SAMMSON: variants seen among roughly 807,000 people sequenced by gnomAD.
SAMMSON encodes survival associated mitochondrial melanoma specific oncogenic non-coding RNA.
At chr3:70,291,831 A>G (rs897931159) in intron 7 of SAMMSON, 1 of 152,194 alleles carries the variant, frequency 6.6e-6, no homozygotes, top group South Asian at 2.1e-4. Context: ...TTCTTTCAAG[A>G]TGTGCTGTCT....
chr3:70,203,901 A>G (rs1273205599), intron 4 of SAMMSON, among the ~76,000 whole-genome samples: 1 of 152,092 alleles, frequency 6.6e-6, no homozygotes, highest in Non-Finnish European at 1.5e-5. Flanking sequence ...AGAAGTGGGG[A>G]CATGGATAGT....
intron 2 of SAMMSON, among the ~76,000 whole-genome samples, chr3:70,410,550 G>A (rs777426619): frequency 1.2e-4 from 18 of 152,182 alleles, no homozygotes; most frequent in Non-Finnish European, 2.5e-4. Flanking sequence ...AAACAAGTTA[G>A]AGAAACACTG....
At chr3:70,327,003 C>A (rs1156943270) in intron 7 of SAMMSON, among the ~76,000 whole-genome samples, 3 of 152,098 alleles carry the variant, frequency 2.0e-5, no homozygotes, top group African/African-American at 7.2e-5. Flanking sequence ...GGCTGACAGG[C>A]ATGTGCCACC....
intron 7 of SAMMSON, among the ~76,000 whole-genome samples, chr3:70,300,683 T>C (rs1022467493): frequency 6.6e-6 from 1 of 152,136 alleles, no homozygotes; most frequent in African/African-American, 2.4e-5. Context: ...GACTGATATT[T>C]GTTAAGTAAA....
At chr3:70,193,554 T>C (rs1701147735) in intron 4 of SAMMSON, among the ~76,000 whole-genome samples, 1 of 152,184 alleles carries the variant, frequency 6.6e-6, no homozygotes, top group South Asian at 2.1e-4. Context: ...TGGAAATTTG[T>C]TTGACTCTAT....
intron 4 of SAMMSON, among the ~76,000 whole-genome samples, chr3:70,197,831 G>A (rs142383280): frequency 3.3e-5 from 5 of 152,146 alleles, no homozygotes; most frequent in Non-Finnish European, 5.9e-5. Context: ...AGTGAAATAC[G>A]TCATCATATG....
upstream of SAMMSON, chr3:69,999,804 G>C (rs13075364): frequency 0.78 from 118,340 of 152,310 alleles, 47,430 homozygotes; most frequent in East Asian, 1. Flanking sequence ...GGCTGGTCAT[G>C]GAGAGCCCGC....
intron 4 of SAMMSON, among the ~76,000 whole-genome samples, chr3:70,162,359 A>G (rs1259848756): frequency 1.3e-5 from 2 of 151,956 alleles, no homozygotes; most frequent in Non-Finnish European, 2.9e-5. Context: ...TGCTCAAAAT[A>G]CTTTCTTATT....
At chr3:70,332,981 T>C (rs955460411) in intron 7 of SAMMSON, 1 of 152,244 alleles carries the variant, frequency 6.6e-6, no homozygotes, top group African/African-American at 2.4e-5. Context: ...AATATTGTTA[T>C]CTTTCCTTGA....
At chr3:70,223,890 C>T (rs1271545469) in intron 4 of SAMMSON, among the ~76,000 whole-genome samples, 1 of 152,110 alleles carries the variant, frequency 6.6e-6, no homozygotes, top group African/African-American at 2.4e-5. Context: ...CTTTCTCTTA[C>T]TCTGCTTCAT....
At chr3:70,028,446 G>T (rs2067051509) in intron 3 of SAMMSON, among the ~76,000 whole-genome samples, 1 of 152,102 alleles carries the variant, frequency 6.6e-6, no homozygotes, top group Non-Finnish European at 1.5e-5. Context: ...AACTGATGGG[G>T]AGAATTTGTG....
intron 3 of SAMMSON, among the ~76,000 whole-genome samples, chr3:70,017,958 T>C (rs1440397010): frequency 6.6e-6 from 1 of 152,116 alleles, no homozygotes; most frequent in Non-Finnish European, 1.5e-5. Context: ...TGGATAAGCT[T>C]TTTGATGTGT....
At chr3:70,370,196 C>A (rs1461356304) in intron 9 of SAMMSON, among the ~76,000 whole-genome samples, 1 of 151,966 alleles carries the variant, frequency 6.6e-6, no homozygotes, top group East Asian at 1.9e-4. Context: ...ACCGCACTTT[C>A]TTTATCCATT....
intron 4 of SAMMSON, among the ~76,000 whole-genome samples, chr3:70,091,305 A>G (rs1000664352): frequency 6.6e-6 from 1 of 152,124 alleles, no homozygotes; most frequent in Non-Finnish European, 1.5e-5. Context: ...CGCCTTTCAC[A>G]CTAATGCATT....
chr3:70,009,162 T>A (rs2066942831), intron 1 of SAMMSON: 1 of 152,236 alleles, frequency 6.6e-6, no homozygotes, highest in African/African-American at 2.4e-5. Context: ...ATAAAATGAG[T>A]GAGGGAGGAT....
At chr3:70,275,768 T>C (rs1020313640) in intron 6 of SAMMSON, among the ~76,000 whole-genome samples, 1 of 152,200 alleles carries the variant, frequency 6.6e-6, no homozygotes, top group Non-Finnish European at 1.5e-5. Context: ...CTTTCAGAAG[T>C]TTATAGCATA....
intron 4 of SAMMSON, among the ~76,000 whole-genome samples, chr3:70,080,835 TG>T (rs2067265299): frequency 6.6e-6 from 1 of 152,072 alleles, no homozygotes; most frequent in Non-Finnish European, 1.5e-5. Context: ...CTTAGAAGTG[TG>T]AAAAAAGATC....
intron 4 of SAMMSON, among the ~76,000 whole-genome samples, chr3:70,168,635 T>C (rs1384391348): frequency 6.6e-6 from 1 of 151,996 alleles, no homozygotes; most frequent in East Asian, 1.9e-4. Context: ...ATAGAATTGG[T>C]AGCCAACATC....
intron 4 of SAMMSON, among the ~76,000 whole-genome samples, chr3:70,236,603 T>C (rs1006917091): frequency 6.6e-6 from 1 of 151,640 alleles, no homozygotes; most frequent in African/African-American, 2.4e-5. Flanking sequence ...ACTAGAAAAC[T>C]TTTTTTTTCT....
Sources: gnomAD v4.1 joint callset for allele counts (sites outside exome capture counted in the v4.1 genomes callset) on GRCh38, gnomAD v4.1.1 for gene constraint, MANE v1.5 for transcripts, NCBI Gene and HGNC (gene_info 2026-07-23, HGNC 2026-07-21) for gene names.